The following OLFM3 variants were observed in gnomAD, a reference collection of about 807,000 sequenced individuals.
The protein encoded by OLFM3 is olfactomedin 3.
OLFM3 carries 20 observed loss-of-function variants against 48.6 expected under a neutral mutation model. That is an observed-to-expected ratio of 0.41 (90% CI 0.29 to 0.60). OLFM3 has a LOEUF of 0.60. Among genes scored for constraint, OLFM3 ranks in the 20% least tolerant of loss-of-function variants. OLFM3 has a pLI of 0.28. For synonymous variants in OLFM3, 222 were observed against 198.1 expected, an observed-to-expected ratio of 1.12 and a Z score of -1.01; for missense variants, 437 against 544.3, an observed-to-expected ratio of 0.80 and a Z score of 1.96.
intron 1 of OLFM3, among the ~76,000 whole-genome samples, chr1:101,845,071 A>G (rs1417845887): frequency 6.6e-6 from 1 of 152,170 alleles, no homozygotes; most frequent in Non-Finnish European, 1.5e-5. Context: ...TCTCCATTCC[A>G]GTGAATACCA....
At chr1:101,948,626 T>C (rs1370421106) in intron 1 of OLFM3, among the ~76,000 whole-genome samples, 1 of 151,988 alleles carries the variant, frequency 6.6e-6, no homozygotes, top group Non-Finnish European at 1.5e-5. Flanking sequence ...TTTTCTAAAT[T>C]TTTGTCTAAA....
chr1:101,876,234 G>A (rs1341889169), intron 1 of OLFM3, among the ~76,000 whole-genome samples: 1 of 151,938 alleles, frequency 6.6e-6, no homozygotes, highest in Non-Finnish European at 1.5e-5. Flanking sequence ...TACAGCAGGA[G>A]CCACCTGCTC....
chr1:101,855,562 T>G (rs1327747566), intron 1 of OLFM3, among the ~76,000 whole-genome samples: 2 of 152,106 alleles, frequency 1.3e-5, no homozygotes, highest in Non-Finnish European at 2.9e-5. Context: ...TTTGCATGCT[T>G]TATCAGTGAG....
chr1:101,834,216 T>C (rs1051709375), intron 2 of OLFM3, among the ~76,000 whole-genome samples: 1 of 152,196 alleles, frequency 6.6e-6, no homozygotes, highest in East Asian at 1.9e-4. Context: ...ACGGATCTGT[T>C]AGAGCCACAA....
chr1:101,959,291 A>C (rs887176515), intron 1 of OLFM3, among the ~76,000 whole-genome samples: 7 of 152,112 alleles, frequency 4.6e-5, no homozygotes, highest in Admixed American at 1.3e-4. Context: ...GACTTTGGAA[A>C]AATACATATT....
chr1:101,888,997 AAAC>A (rs888001799), intron 1 of OLFM3, among the ~76,000 whole-genome samples: 84 of 152,294 alleles, frequency 5.5e-4, no homozygotes, highest in African/African-American at 1.7e-3. Context: ...AAAAGTCAGG[AAAC>A]AACAAGTGCT....
chr1:101,867,903 GC>G (rs1336110695), intron 1 of OLFM3, among the ~76,000 whole-genome samples: 1 of 152,058 alleles, frequency 6.6e-6, no homozygotes, highest in African/African-American at 2.4e-5. Context: ...GTTCCTCTAT[GC>G]CATTCTCATA....
intron 1 of OLFM3, among the ~76,000 whole-genome samples, chr1:101,907,872 C>T (rs1305800752): frequency 1.3e-5 from 2 of 148,648 alleles, no homozygotes; most frequent in African/African-American, 2.6e-5. Context: ...TAGTAAAAAA[C>T]GTATAATTTT....
At chr1:101,857,093 C>T (rs1368183859) in intron 1 of OLFM3, among the ~76,000 whole-genome samples, 1 of 151,994 alleles carries the variant, frequency 6.6e-6, no homozygotes, top group Non-Finnish European at 1.5e-5. Flanking sequence ...TGGTCCTATA[C>T]TCCAAAAGAC....
At chr1:101,980,496 C>T (rs1661079279) in intron 1 of OLFM3, among the ~76,000 whole-genome samples, 1 of 152,140 alleles carries the variant, frequency 6.6e-6, no homozygotes, top group Non-Finnish European at 1.5e-5. Flanking sequence ...GGCATTTCTC[C>T]TGCTTGCAGT....
chr1:101,834,573 T>C (rs1281152797), intron 2 of OLFM3, among the ~76,000 whole-genome samples: 1 of 152,194 alleles, frequency 6.6e-6, no homozygotes, highest in East Asian at 1.9e-4. Context: ...ATCTTTTCTT[T>C]GGATCAGTGC....
At chr1:101,846,603 A>C (rs1452890304) in intron 1 of OLFM3, among the ~76,000 whole-genome samples, 1 of 152,054 alleles carries the variant, frequency 6.6e-6, no homozygotes, top group African/African-American at 2.4e-5. Flanking sequence ...AAAGCTTTTC[A>C]CCCTTAAGAA....
At chr1:101,871,731 A>G (rs1657092055) in intron 1 of OLFM3, among the ~76,000 whole-genome samples, 6 of 152,120 alleles carry the variant, frequency 3.9e-5, no homozygotes. Flanking sequence ...TTGATACCAT[A>G]TAAATATGAT....
At chr1:101,855,474 A>T (rs924487313) in intron 1 of OLFM3, among the ~76,000 whole-genome samples, 47 of 152,242 alleles carry the variant, frequency 3.1e-4, no homozygotes, top group Non-Finnish European at 2.8e-4. Flanking sequence ...GTATGCAAAA[A>T]AATAGCCAAT....
rs201069960 is a variant in OLFM3 at position 101,975,994 on chromosome 1, TATACTTAAGTGGACA to T, written c.69+20739_69+20753del. On this transcript the variant is annotated intron_variant, in intron 1 of 5. Transcript: ENST00000370103. ...TTCTGCAAGTTAACAAAAGCCTAGC[TATACTTAAGTGGACA>T]TTATTAAATTCTAATAGGAGATTTT... 5.3e-4 allele frequency among the ~76,000 whole-genome samples: 80 copies of T among 152,338 alleles called. 2 individuals are homozygous for T. The East Asian group carries it at 0.015, about 29-fold the overall frequency.
intron 1 of OLFM3, among the ~76,000 whole-genome samples, chr1:101,862,987 T>C (rs1190947913): frequency 2.1e-5 from 3 of 141,576 alleles, no homozygotes; most frequent in African/African-American, 7.9e-5. Flanking sequence ...AAATCCTATG[T>C]AATTAGTTTT....
intron 1 of OLFM3, among the ~76,000 whole-genome samples, chr1:101,966,552 T>C (rs1217967108): frequency 6.6e-6 from 1 of 152,206 alleles, no homozygotes; most frequent in African/African-American, 2.4e-5. Flanking sequence ...AGCGCACTGA[T>C]TGATAAGTAT....
intron 1 of OLFM3, among the ~76,000 whole-genome samples, chr1:101,980,650 T>G (rs529268138): frequency 1.3e-5 from 2 of 152,116 alleles, no homozygotes; most frequent in East Asian, 3.9e-4. Context: ...CAGTCTTGGG[T>G]CTTTCTTCAT....
chr1:101,952,155 C>T (rs1242343345), intron 1 of OLFM3, among the ~76,000 whole-genome samples: 2 of 152,114 alleles, frequency 1.3e-5, no homozygotes, highest in African/African-American at 2.4e-5. Flanking sequence ...CTTGGAAACA[C>T]ATACCCAGCC....
Sources: allele counts gnomAD v4.1 joint callset (sites outside exome capture counted in the v4.1 genomes callset), GRCh38; gene constraint gnomAD v4.1.1; transcripts MANE v1.5; gene names NCBI Gene and HGNC (gene_info 2026-07-23, HGNC 2026-07-21).